THNSL1: variants seen among roughly 807,000 people sequenced by gnomAD.
The protein encoded by THNSL1 is threonine synthase-like 1.
A neutral mutation model predicts 50.4 loss-of-function variants in THNSL1; 48 were observed. That is an observed-to-expected ratio of 0.95 (90% confidence interval 0.76 to 1.21). The LOEUF (loss-of-function observed/expected upper bound fraction) is 1.21, where lower values mean the gene tolerates loss of function less well. THNSL1 is among the 50% of genes most tolerant of loss of function. THNSL1 has a pLI of 0.00. For synonymous variants in THNSL1, 309 were observed against 306.1 expected, an observed-to-expected ratio of 1.01 and a Z score of -0.10; for missense variants, 896 against 871.7, an observed-to-expected ratio of 1.03 and a Z score of -0.35.
At chr10:24,964,071 T>C in the THNSL1 span, among the ~76,000 whole-genome samples, 4 of 152,232 alleles carry the variant, frequency 2.6e-5, no homozygotes, top group East Asian at 7.7e-4. Flanking sequence ...TCCTGTGTAT[T>C]GTAAACTGTT....
the THNSL1 span, among the ~76,000 whole-genome samples, chr10:24,954,786 G>T: frequency 3.9e-5 from 6 of 151,996 alleles, no homozygotes; most frequent in Non-Finnish European, 5.9e-5. Flanking sequence ...ATTACACTTC[G>T]ATACTTTGGA....
chr10:24,984,958 GA>G, the THNSL1 span: 1 of 1,378,852 alleles, frequency 7.3e-7, no homozygotes, highest in Admixed American at 2.0e-5. Context: ...AAAAGTAAAG[GA>G]AATGGGAAAA....
At chr10:24,975,836 T>C in the THNSL1 span, among the ~76,000 whole-genome samples, 8 of 152,206 alleles carry the variant, frequency 5.3e-5, 1 homozygote, top group East Asian at 1.5e-3. Flanking sequence ...ACTTAGGTAA[T>C]ACAATAGCTA....
upstream of THNSL1, among the ~76,000 whole-genome samples, chr10:25,016,505 C>G (rs1481157330): frequency 2.0e-5 from 3 of 152,166 alleles, no homozygotes; most frequent in Non-Finnish European, 4.4e-5. Context: ...GCCAGCGCCG[C>G]CAGGGAGACG....
chr10:24,987,360 G>A, the THNSL1 span, among the ~76,000 whole-genome samples: 41 of 152,142 alleles, frequency 2.7e-4, no homozygotes, highest in African/African-American at 9.4e-4. Context: ...ATTCTCTTCA[G>A]TGGCCACTGC....
the THNSL1 span, among the ~76,000 whole-genome samples, chr10:24,987,756 T>G: frequency 6.6e-6 from 1 of 152,164 alleles, no homozygotes; most frequent in Non-Finnish European, 1.5e-5. Context: ...TAAATGAGTT[T>G]TAGTCCCTAT....
the THNSL1 span, chr10:24,999,654 G>A: frequency 2.3e-4 from 235 of 1,009,426 alleles, no homozygotes; most frequent in Non-Finnish European, 2.8e-4. Context: ...GTCTATATTC[G>A]TATGGAAAAG....
upstream of THNSL1, among the ~76,000 whole-genome samples, chr10:25,011,988 C>T (rs1277941502): frequency 6.6e-6 from 1 of 152,214 alleles, no homozygotes; most frequent in African/African-American, 2.4e-5. Flanking sequence ...GGGCTGGGCC[C>T]AGGGCCTTGC....
the THNSL1 span, among the ~76,000 whole-genome samples, chr10:24,994,046 T>C: frequency 6.6e-6 from 1 of 152,124 alleles, no homozygotes. Flanking sequence ...GAAGTAACTT[T>C]ATTGGCTTAT....
At chr10:25,014,598 T>C (rs957236896), upstream of THNSL1, among the ~76,000 whole-genome samples, 1 of 152,148 alleles carries the variant, frequency 6.6e-6, no homozygotes, top group African/African-American at 2.4e-5. Flanking sequence ...AAAATAACTC[T>C]CAAATTCAAT....
At chr10:24,995,976 A>G in the THNSL1 span, 2 of 853,138 alleles carry the variant, frequency 2.3e-6, no homozygotes, top group Non-Finnish European at 3.4e-6. Context: ...AGTTGCAGTC[A>G]TAATATATTT....
chr10:24,990,379 C>T, the THNSL1 span: 1 of 1,498,188 alleles, frequency 6.7e-7, no homozygotes, highest in South Asian at 1.4e-5. Flanking sequence ...CAAGTGCTGA[C>T]TTTAATCATC....
chr10:24,981,932 C>T, the THNSL1 span: 1 of 152,136 alleles, frequency 6.6e-6, no homozygotes, highest in Non-Finnish European at 1.5e-5. Flanking sequence ...TCTCTATCCT[C>T]CAAGTCTGAC....
At chr10:24,980,268 C>T in the THNSL1 span, among the ~76,000 whole-genome samples, 1 of 152,056 alleles carries the variant, frequency 6.6e-6, no homozygotes, top group African/African-American at 2.4e-5. Flanking sequence ...CTTGCCTATC[C>T]GTCAAGGGTT....
chr10:24,984,871 T>G, the THNSL1 span: 2 of 1,613,594 alleles, frequency 1.2e-6, no homozygotes, highest in African/African-American at 1.3e-5. Context: ...GGACTGGAAT[T>G]CTTTATGCAC....
chr10:25,007,480 G>C, the THNSL1 span, among the ~76,000 whole-genome samples: 1 of 152,094 alleles, frequency 6.6e-6, no homozygotes, highest in Non-Finnish European at 1.5e-5. Flanking sequence ...TTTCACCCAG[G>C]CTGGAGTGCA....
the THNSL1 span, chr10:24,982,663 A>T: frequency 1.3e-5 from 2 of 152,154 alleles, no homozygotes; most frequent in Non-Finnish European, 2.9e-5. Flanking sequence ...CTAGGTATGT[A>T]TGTGTATGGA....
At chr10:24,991,961 G>A in the THNSL1 span, among the ~76,000 whole-genome samples, 2 of 152,330 alleles carry the variant, frequency 1.3e-5, no homozygotes, top group South Asian at 2.1e-4. Context: ...CCCTAGAAGT[G>A]TGAGCAGTGG....
chr10:25,018,099 T>C (rs904698428), intron 1 of THNSL1, among the ~76,000 whole-genome samples: 1 of 152,224 alleles, frequency 6.6e-6, no homozygotes, highest in Non-Finnish European at 1.5e-5. Context: ...ATTTCACTGA[T>C]GTCTGTATAT....
Sources: gnomAD v4.1 joint callset for allele counts (sites outside exome capture counted in the v4.1 genomes callset) on GRCh38, gnomAD v4.1.1 for gene constraint, MANE v1.5 for transcripts, NCBI Gene and HGNC (gene_info 2026-07-23, HGNC 2026-07-21) for gene names.